KCNH8: variants seen among roughly 807,000 people sequenced by gnomAD.
KCNH8 encodes potassium voltage-gated channel subfamily H member 8.
In KCNH8, 70 loss-of-function variants were observed where a neutral mutation model predicts 103.6. The ratio of observed to expected loss-of-function variants is 0.68; its 90% CI spans 0.56 to 0.82. The LOEUF is 0.82. Among genes scored for constraint, KCNH8 ranks in the 40% least tolerant of loss-of-function variants. The pLI is 0.00. For missense variants in KCNH8, 1,217 were observed against 1,329.9 expected (o/e 0.92, Z 1.32); for synonymous variants, 498 against 489.4 (o/e 1.02, Z -0.23).
chr3:19,455,636 C>A (rs557678042), intron 10 of KCNH8, among the ~76,000 whole-genome samples: 1 of 152,180 alleles, frequency 6.6e-6, no homozygotes, highest in South Asian at 2.1e-4. Context: ...TCACCAGTAC[C>A]TGCTTGCCAG....
chr3:19,488,647 C>T (rs2068259959), intron 11 of KCNH8, among the ~76,000 whole-genome samples: 1 of 152,004 alleles, frequency 6.6e-6, no homozygotes, highest in Non-Finnish European at 1.5e-5. Flanking sequence ...CCTTTTGAGC[C>T]CCTTTCTTTA....
chr3:19,502,566 A>G (rs890755884), intron 11 of KCNH8, among the ~76,000 whole-genome samples: 1 of 152,254 alleles, frequency 6.6e-6, no homozygotes, highest in Admixed American at 6.5e-5. Flanking sequence ...TACTGGTACC[A>G]AAACAGAGAT....
At chr3:19,223,385 A>G (rs1000148867) in intron 1 of KCNH8, among the ~76,000 whole-genome samples, 3 of 152,220 alleles carry the variant, frequency 2.0e-5, no homozygotes, top group Non-Finnish European at 4.4e-5. Flanking sequence ...AGTATTGAAT[A>G]GGTAACTAAC....
At chr3:19,174,633 T>C (rs1353014659) in intron 1 of KCNH8, among the ~76,000 whole-genome samples, 4 of 152,324 alleles carry the variant, frequency 2.6e-5, no homozygotes, top group South Asian at 2.1e-4. Flanking sequence ...GCATTGTGTC[T>C]GAAAACATGT....
At chr3:19,210,187 T>A (rs899182072) in intron 1 of KCNH8, among the ~76,000 whole-genome samples, 4 of 152,264 alleles carry the variant, frequency 2.6e-5, no homozygotes, top group Admixed American at 2.6e-4. Context: ...GGAAACATTT[T>A]GTGAGTGAAG....
chr3:19,371,703 G>A (rs2066098795), intron 5 of KCNH8, among the ~76,000 whole-genome samples: 2 of 150,124 alleles, frequency 1.3e-5, no homozygotes, highest in Admixed American at 6.6e-5. Context: ...TGTCCTGAAT[G>A]GTAATGCCTA....
chr3:19,465,639 C>T (rs1174201616), intron 11 of KCNH8, among the ~76,000 whole-genome samples: 1 of 151,136 alleles, frequency 6.6e-6, no homozygotes, highest in East Asian at 1.9e-4. Context: ...TTTGATGGAC[C>T]TGGATGAATT....
chr3:19,448,942 G>T, intron 8 of KCNH8: 3 of 1,281,442 alleles, frequency 2.3e-6, no homozygotes, highest in Non-Finnish European at 3.1e-6. Flanking sequence ...ACAGTTCCAG[G>T]TGTGTCCAAG....
chr3:19,281,941 T>C (rs2064762213), intron 3 of KCNH8, among the ~76,000 whole-genome samples: 1 of 152,130 alleles, frequency 6.6e-6, no homozygotes, highest in African/African-American at 2.4e-5. Context: ...AAGAAATTCT[T>C]TGCATTTTGT....
intron 1 of KCNH8, among the ~76,000 whole-genome samples, chr3:19,186,075 A>G (rs2063499430): frequency 6.6e-6 from 1 of 151,944 alleles, no homozygotes; most frequent in African/African-American, 2.4e-5. Context: ...AATTATTACT[A>G]AGTATGCTTT....
intron 1 of KCNH8, among the ~76,000 whole-genome samples, chr3:19,199,601 T>C (rs2063636563): frequency 6.7e-6 from 1 of 149,778 alleles, no homozygotes; most frequent in African/African-American, 2.4e-5. Flanking sequence ...TGATGTATTA[T>C]ATATTTTTAT....
chr3:19,525,346 G>A (rs776324225), intron 15 of KCNH8, among the ~76,000 whole-genome samples: 26 of 151,906 alleles, frequency 1.7e-4, no homozygotes, highest in Admixed American at 2.6e-4. Flanking sequence ...AAGACCTATC[G>A]CATCTGAGTA....
At chr3:19,358,644 A>G (rs1048314331) in intron 5 of KCNH8, among the ~76,000 whole-genome samples, 1 of 151,984 alleles carries the variant, frequency 6.6e-6, no homozygotes, top group African/African-American at 2.4e-5. Context: ...GATAAATTTA[A>G]TTAACTATTG....
intron 7 of KCNH8, among the ~76,000 whole-genome samples, chr3:19,400,231 CAAAAAA>C (rs11422314): frequency 0.025 from 1,316 of 53,084 alleles, 13 homozygotes; most frequent in South Asian, 0.061. Flanking sequence ...TGTTAGCCAG[CAAAAAA>C]AAAAAAAAAA....
At chr3:19,261,056 G>A (rs970626547) in intron 2 of KCNH8, among the ~76,000 whole-genome samples, 1 of 149,658 alleles carries the variant, frequency 6.7e-6, no homozygotes. Context: ...CTTGGCTGTT[G>A]TGATTAGTGC....
intron 6 of KCNH8, among the ~76,000 whole-genome samples, chr3:19,394,709 A>G (rs1176639320): frequency 6.6e-6 from 1 of 151,992 alleles, no homozygotes; most frequent in Non-Finnish European, 1.5e-5. Context: ...TTATAAAGCA[A>G]TTTCATTACA....
At chr3:19,326,322 T>C (rs1167561273) in intron 3 of KCNH8, among the ~76,000 whole-genome samples, 1 of 148,534 alleles carries the variant, frequency 6.7e-6, no homozygotes, top group Non-Finnish European at 1.5e-5. Context: ...GTAACAAGCC[T>C]GCACATGTAC....
chr3:19,192,812 C>G (rs111882803), intron 1 of KCNH8, among the ~76,000 whole-genome samples: 3 of 151,388 alleles, frequency 2.0e-5, no homozygotes, highest in African/African-American at 7.2e-5. Context: ...AATTTGATCC[C>G]ATTATATTTA....
At chr3:19,169,255 C>CTTTTTTTTTTTTTTTTTTTT (rs768036667) in intron 1 of KCNH8, among the ~76,000 whole-genome samples, 1 of 124,964 alleles carries the variant, frequency 8.0e-6, no homozygotes, top group Non-Finnish European at 1.7e-5. Flanking sequence ...TTCTTTCTTT[C>CTTTTTTTTTTTTTTTTTTTT]TTTTTTTTTT....
Sources: gnomAD v4.1 joint callset for allele counts (sites outside exome capture counted in the v4.1 genomes callset) on GRCh38, gnomAD v4.1.1 for gene constraint, MANE v1.5 for transcripts, NCBI Gene and HGNC (gene_info 2026-07-23, HGNC 2026-07-21) for gene names.